The following EVI5 variants were observed in gnomAD, a reference collection of about 807,000 sequenced individuals.
EVI5 encodes the protein ecotropic viral integration site 5, also known as ecotropic viral integration site 5 protein homolog.
EVI5 carries 73 observed loss-of-function variants against 112.0 expected under a neutral mutation model. The observed-to-expected ratio is 0.65, with a 90% confidence interval of 0.54 to 0.79. The LOEUF (loss-of-function observed/expected upper bound fraction) is 0.79, where lower values mean the gene tolerates loss of function less well. EVI5 is among the 30% of genes least tolerant of loss of function. The pLI, the probability that EVI5 is intolerant of heterozygous loss-of-function variation, is 0.00. For synonymous variants in EVI5, 305 were observed against 319.9 expected (o/e 0.95, Z 0.50); for missense variants, 900 against 968.8 (o/e 0.93, Z 0.94).
chr1:92,536,858 T>G (rs1193171350), intron 19 of EVI5, among the ~76,000 whole-genome samples: 3 of 152,200 alleles, frequency 2.0e-5, no homozygotes, highest in African/African-American at 7.2e-5. Flanking sequence ...ACAGTTGATT[T>G]TTTTTTACAC....
At chr1:92,523,868 T>C (rs185824686) in intron 19 of EVI5, among the ~76,000 whole-genome samples, 1 of 152,168 alleles carries the variant, frequency 6.6e-6, no homozygotes, top group East Asian at 1.9e-4. Flanking sequence ...GGTGGATCAC[T>C]TGAGGTCAGA....
At chr1:92,785,445 C>T (rs1685530939), upstream of EVI5, among the ~76,000 whole-genome samples, 1 of 152,224 alleles carries the variant, frequency 6.6e-6, no homozygotes, top group Non-Finnish European at 1.5e-5. Flanking sequence ...CTTTCAGGGC[C>T]CTGGCACGCG....
chr1:92,641,826 A>G (rs1660031533), intron 13 of EVI5, among the ~76,000 whole-genome samples: 1 of 152,186 alleles, frequency 6.6e-6, no homozygotes, highest in Admixed American at 6.5e-5. Context: ...AGTATTTGCT[A>G]CACTAAAATT....
chr1:92,767,528 A>G (rs2103023152), intron 1 of EVI5, among the ~76,000 whole-genome samples: 1 of 152,334 alleles, frequency 6.6e-6, no homozygotes, highest in South Asian at 2.1e-4. Flanking sequence ...TGAGGTGGAA[A>G]AAATGTTCTC....
intron 2 of EVI5, among the ~76,000 whole-genome samples, chr1:92,706,331 T>C (rs1051415470): frequency 7.2e-5 from 11 of 152,204 alleles, no homozygotes; most frequent in Admixed American, 5.9e-4. Context: ...ATATATCTTA[T>C]GGAAAAATTA....
chr1:92,616,692 A>G lies in EVI5; in HGVS notation c.1827+7484T>C, dbSNP rs1324292452. On this transcript the variant is annotated intron_variant, in intron 16 of 19. Coordinates refer to ENST00000684568, the MANE Select transcript of EVI5 (RefSeq NM_001350197.2). Reference sequence around the variant, plus strand: ...TAGGATTTTGGAGCGAGACCCTGCCATCTTCTTCAGATAACTACTCTCCTT... The same window carrying G: ...TAGGATTTTGGAGCGAGACCCTGCCGTCTTCTTCAGATAACTACTCTCCTT... Among the ~76,000 whole-genome samples the G allele has an allele frequency of 2.0e-5, 3 of 152,220 alleles. No homozygotes were observed. In the East Asian group the frequency reaches 5.8e-4, roughly 29 times the overall value.
intron 19 of EVI5, among the ~76,000 whole-genome samples, chr1:92,527,251 C>T (rs1662034692): frequency 6.6e-6 from 1 of 151,586 alleles, no homozygotes; most frequent in South Asian, 2.1e-4. Context: ...GCTGTCTTTA[C>T]TAAAAACACA....
chr1:92,590,138 A>G (rs1406443693), intron 18 of EVI5, among the ~76,000 whole-genome samples: 1 of 152,172 alleles, frequency 6.6e-6, no homozygotes, highest in African/African-American at 2.4e-5. Context: ...CGAAGACCAA[A>G]CGTAGATAAA....
chr1:92,678,144 C>T (rs1187793233), intron 9 of EVI5, among the ~76,000 whole-genome samples: 1 of 152,152 alleles, frequency 6.6e-6, no homozygotes, highest in African/African-American at 2.4e-5. Flanking sequence ...ATATCTCAAA[C>T]CTCAGCATCA....
intron 1 of EVI5, among the ~76,000 whole-genome samples, chr1:92,783,263 C>T (rs960904769): frequency 6.6e-6 from 1 of 151,882 alleles, no homozygotes; most frequent in Non-Finnish European, 1.5e-5. Flanking sequence ...CGCTGGCTCA[C>T]GCCTGTAATC....
At chr1:92,679,126 G>C (rs771619645) in intron 9 of EVI5, among the ~76,000 whole-genome samples, 16 of 152,132 alleles carry the variant, frequency 1.1e-4, no homozygotes, top group Non-Finnish European at 1.6e-4. Context: ...TCAAAGGAGT[G>C]CAAACCCTAT....
chr1:92,751,393 G>A (rs556038685), intron 1 of EVI5, among the ~76,000 whole-genome samples: 8 of 152,206 alleles, frequency 5.3e-5, no homozygotes, highest in African/African-American at 1.7e-4. Context: ...ACATATTCGA[G>A]CATATCACAT....
At chr1:92,757,898 ACT>A (rs1471124838) in intron 1 of EVI5, among the ~76,000 whole-genome samples, 1 of 114,328 alleles carries the variant, frequency 8.7e-6, no homozygotes, top group Non-Finnish European at 1.8e-5. Flanking sequence ...AGTGAGCGAG[ACT>A]CTGCCTCAAA....
intron 2 of EVI5, among the ~76,000 whole-genome samples, chr1:92,722,042 C>T (rs1674835785): frequency 4.6e-5 from 1 of 21,718 alleles, no homozygotes; most frequent in South Asian, 3.5e-3. Flanking sequence ...TCATGTCCCA[C>T]TATTTTAATT....
At chr1:92,702,468 T>TAAAATAAAAA (rs1671334913) in intron 4 of EVI5, among the ~76,000 whole-genome samples, 1 of 150,898 alleles carries the variant, frequency 6.6e-6, no homozygotes, top group African/African-American at 2.4e-5. Context: ...TAAAATAAAA[T>TAAAATAAAAA]AAAATAAAAT....
chr1:92,570,338 C>T (rs901321154), intron 18 of EVI5, among the ~76,000 whole-genome samples: 6 of 151,830 alleles, frequency 4.0e-5, no homozygotes, highest in Admixed American at 1.3e-4. Flanking sequence ...CAGGGGGGGC[C>T]TAATTTTGGT....
intron 19 of EVI5, among the ~76,000 whole-genome samples, chr1:92,537,429 T>G (rs191940637): frequency 3.3e-5 from 5 of 152,336 alleles, no homozygotes; most frequent in African/African-American, 7.2e-5. Context: ...CATGGAAAGA[T>G]CTAATAATCA....
intron 19 of EVI5, among the ~76,000 whole-genome samples, chr1:92,560,404 G>A (rs996614931): frequency 6.6e-6 from 1 of 152,192 alleles, no homozygotes; most frequent in African/African-American, 2.4e-5. Context: ...AGAGAGTACG[G>A]GTTGAAAGAG....
chr1:92,578,794 A>G (rs1427226245), intron 18 of EVI5, among the ~76,000 whole-genome samples: 1 of 152,114 alleles, frequency 6.6e-6, no homozygotes, highest in African/African-American at 2.4e-5. Context: ...AGCCAGGAAA[A>G]AGCAAGGAGT....
Sources: allele counts gnomAD v4.1 joint callset (sites outside exome capture counted in the v4.1 genomes callset), GRCh38; gene constraint gnomAD v4.1.1; transcripts MANE v1.5; gene names NCBI Gene and HGNC (gene_info 2026-07-23, HGNC 2026-07-21).